The following TG variants were observed in gnomAD, a reference collection of about 807,000 sequenced individuals.
TG encodes thyroid hormones.
Under a neutral mutation model 324.7 loss-of-function variants are expected in TG, and 270 were observed. The observed-to-expected ratio is 0.83, with a 90% CI of 0.75 to 0.92. The LOEUF (loss-of-function observed/expected upper bound fraction) is 0.92. Among genes scored for constraint, TG ranks in the 40% least tolerant of loss-of-function variants. TG has a pLI of 0.00. For missense variants in TG, 3,591 were observed against 3,456.4 expected (o/e 1.04, Z -0.98); for synonymous variants, 1,401 against 1,327.0 (o/e 1.06, Z -1.21).
intron 5 of TG, among the ~76,000 whole-genome samples, chr8:132,879,784 T>C (rs938955226): frequency 6.6e-6 from 1 of 152,192 alleles, no homozygotes. Context: ...CAAAAAACAC[T>C]GGTAGGTCCA....
chr8:133,050,732 C>T, intron 41 of TG: 1 of 896,220 alleles, frequency 1.1e-6, no homozygotes, highest in South Asian at 1.4e-5. Context: ...AACTAGACCA[C>T]TCTAGCTAAC....
chr8:132,941,642 T>A, intron 26 of TG, 100 bp downstream of exon 26: 3 of 1,372,202 alleles, frequency 2.2e-6, no homozygotes, highest in Non-Finnish European at 3.1e-6. Context: ...GGGAGTACAG[T>A]GTGAGTGCCT....
chr8:133,109,118 G>A lies in TG; in HGVS notation c.7573-4304G>A, dbSNP rs564546612. 5.9e-5 allele frequency among the ~76,000 whole-genome samples: 9 copies of A among 152,314 alleles called. No homozygotes were observed. The East Asian group carries it at 1.7e-3, about 29-fold the overall frequency. ...TGCCCTTTCAACCATTATCTCTAGA[G>A]CCTGACCTTTCAACCATTATCTGTC... On this transcript the variant is annotated intron_variant, in intron 43 of 47. Transcript: ENST00000220616.
At chr8:133,030,060 G>A in intron 41 of TG, 37 bp downstream of exon 41, 2 of 1,613,194 alleles carry the variant, frequency 1.2e-6, no homozygotes, top group Non-Finnish European at 1.7e-6. Context: ...TCTTACTGCA[G>A]ATGCGGCTGG....
intron 40 of TG, among the ~76,000 whole-genome samples, chr8:133,027,420 G>A (rs1836201354): frequency 1.3e-5 from 2 of 152,198 alleles, no homozygotes; most frequent in African/African-American, 4.8e-5. Flanking sequence ...AAGCCTCAAA[G>A]CACATCAGAA....
chr8:133,022,236 C>T lies in TG; in HGVS notation c.7036+86C>T, dbSNP rs573634953. ...CCCAAGACCCATCCCCTCACTGCCC[C>T]TGCTCCTCCTCCAGCCAAGCTAGGC... On this transcript the variant is annotated intron_variant, in intron 40 of 47. Coordinates refer to ENST00000220616, the MANE Select transcript of TG (RefSeq NM_003235.5). 12 of 1,573,142 alleles carry T rather than the reference C, an allele frequency of 7.6e-6. No individual in the cohort carries two copies. In the Admixed American group the frequency reaches 8.3e-5, roughly 11 times the overall value.
intron 44 of TG, among the ~76,000 whole-genome samples, chr8:133,116,315 A>G (rs891163925): frequency 2.0e-5 from 3 of 152,224 alleles, no homozygotes; most frequent in Non-Finnish European, 4.4e-5. Flanking sequence ...TCCTGGGAAG[A>G]TGTTTATTTC....
chr8:133,070,131 A>G (rs548517519), intron 41 of TG, among the ~76,000 whole-genome samples: 12 of 152,142 alleles, frequency 7.9e-5, no homozygotes, highest in Non-Finnish European at 1.5e-4. Flanking sequence ...CAAACAATCA[A>G]TGTTTCAGGG....
intron 23 of TG, among the ~76,000 whole-genome samples, chr8:132,933,173 A>G (rs535609780): frequency 4.5e-5 from 6 of 133,536 alleles, no homozygotes; most frequent in African/African-American, 1.7e-4. Flanking sequence ...GTGGGGGTAT[A>G]TTTGGGGGGT....
intron 41 of TG, among the ~76,000 whole-genome samples, chr8:133,074,219 A>G (rs1304175850): frequency 1.3e-5 from 2 of 152,116 alleles, no homozygotes; most frequent in African/African-American, 4.8e-5. Flanking sequence ...CCCCATACAC[A>G]TACCACCTGC....
chr8:132,998,879 AAATG>A (rs1227349485), intron 35 of TG, among the ~76,000 whole-genome samples: 1 of 152,236 alleles, frequency 6.6e-6, no homozygotes, highest in Non-Finnish European at 1.5e-5. Flanking sequence ...CCAGAGTTTC[AAATG>A]GGCTTCTACT....
At chr8:133,091,326 G>A (rs1254692220) in intron 41 of TG, among the ~76,000 whole-genome samples, 1 of 152,208 alleles carries the variant, frequency 6.6e-6, no homozygotes, top group Admixed American at 6.5e-5. Context: ...CTGTAGATGA[G>A]GATTCACATT....
At chr8:133,027,749 C>G (rs1313040878) in intron 40 of TG, among the ~76,000 whole-genome samples, 1 of 152,208 alleles carries the variant, frequency 6.6e-6, no homozygotes, top group Non-Finnish European at 1.5e-5. Flanking sequence ...AATGTTAGGA[C>G]AGAATTCTAA....
At chr8:133,063,648 C>T (rs1313709015) in intron 41 of TG, 1 of 152,200 alleles carries the variant, frequency 6.6e-6, no homozygotes, top group Non-Finnish European at 1.5e-5. Flanking sequence ...TAACAGTCTT[C>T]TCTGCTGTTG....
At chr8:133,106,429 A>T in intron 43 of TG, 1 of 985,336 alleles carries the variant, frequency 1.0e-6, no homozygotes, top group African/African-American at 1.7e-5. Flanking sequence ...GCAAACCAGG[A>T]TGGGGAAGCT....
intron 19 of TG, 87 bp downstream of exon 19, chr8:132,911,620 G>A: frequency 8.9e-7 from 1 of 1,126,160 alleles, no homozygotes; most frequent in African/African-American, 1.5e-5. Context: ...AGCTGGTGAA[G>A]AAGCCCATGA....
chr8:132,933,592 C>T lies in TG; in HGVS notation c.4848C>T (p.Phe1616=). Residue 1616 remains phenylalanine (F), a synonymous_variant, in exon 24 of 48, where the codon TTC becomes TTT. Coordinates refer to ENST00000220616, the MANE Select transcript of TG (RefSeq NM_003235.5). ...DCTEDEACSF[F]TVSTTEPEIS... Reference sequence around the variant, plus strand: ...CAGAGGACGAGGCCTGCAGCTTCTTCACCGTGTCCACGACGGAGCCAGAGA... The same window carrying T: ...CAGAGGACGAGGCCTGCAGCTTCTTTACCGTGTCCACGACGGAGCCAGAGA... 1 of 1,614,156 alleles carries T rather than the reference C, an allele frequency of 6.2e-7. No homozygotes were observed. The highest frequency in any genetic ancestry group is 8.5e-7 in the Non-Finnish European group (1 of 1,180,022).
chr8:133,056,994 GGAT>G, intron 41 of TG, among the ~76,000 whole-genome samples: 1 of 152,182 alleles, frequency 6.6e-6, no homozygotes, highest in Non-Finnish European at 1.5e-5. Flanking sequence ...ACTTCCCAGG[GGAT>G]TCTGATGCAG....
chr8:132,953,967 C>T (rs1826480537), intron 27 of TG, among the ~76,000 whole-genome samples: 1 of 151,334 alleles, frequency 6.6e-6, no homozygotes, highest in African/African-American at 2.4e-5. Context: ...TTAAATGTCC[C>T]CTAATGCCAC....
Sources: gnomAD v4.1 joint callset for allele counts (sites outside exome capture counted in the v4.1 genomes callset) on GRCh38, gnomAD v4.1.1 for gene constraint, MANE v1.5 for transcripts, NCBI Gene and HGNC (gene_info 2026-07-23, HGNC 2026-07-21) for gene names.